MARF1: variants seen among roughly 807,000 people sequenced by gnomAD.
The protein encoded by MARF1 is limkain-b1.
A neutral mutation model predicts 168.2 loss-of-function variants in MARF1; 24 were observed. That is an observed-to-expected ratio of 0.14 (90% CI 0.10 to 0.20). MARF1 has a LOEUF of 0.20. Among genes scored for constraint, MARF1 ranks in the 10% least tolerant of loss-of-function variants. The pLI is 1.00. For missense variants in MARF1, 1,744 were observed against 2,143.6 expected (o/e 0.81, Z 3.68); for synonymous variants, 868 against 822.4 (o/e 1.06, Z -0.95).
intron 26 of MARF1, 121 bp downstream of exon 26, chr16:15,598,733 G>C: frequency 2.1e-6 from 2 of 965,206 alleles, no homozygotes; most frequent in South Asian, 1.5e-5. Flanking sequence ...AATCAGCACA[G>C]TGTTTTCCAC....
intron 1 of MARF1, among the ~76,000 whole-genome samples, chr16:15,641,309 G>C (rs1465539379): frequency 6.6e-6 from 1 of 152,102 alleles, no homozygotes; most frequent in East Asian, 1.9e-4. Context: ...GGTTAATTTG[G>C]AGATGGATTT....
intron 22 of MARF1, among the ~76,000 whole-genome samples, chr16:15,603,596 CT>C (rs1483677448): frequency 6.6e-6 from 1 of 152,124 alleles, no homozygotes; most frequent in Non-Finnish European, 1.5e-5. Context: ...TTTATAGTCT[CT>C]TTTATGGTAA....
chr16:15,605,044 C>T (rs746408258), intron 21 of MARF1, among the ~76,000 whole-genome samples: 7 of 152,174 alleles, frequency 4.6e-5, no homozygotes, highest in African/African-American at 4.8e-5. Context: ...GGAAACCTTA[C>T]AAAAAAGACA....
chr16:15,621,639 G>T, intron 12 of MARF1, 94 bp downstream of exon 12: 1 of 1,165,800 alleles, frequency 8.6e-7, no homozygotes, highest in Non-Finnish European at 1.2e-6. Flanking sequence ...ATCACAAGGG[G>T]GTGGGAATGT....
intron 12 of MARF1, 79 bp downstream of exon 12, chr16:15,621,654 G>A: frequency 7.4e-7 from 1 of 1,357,884 alleles, no homozygotes; most frequent in Non-Finnish European, 1.0e-6. Context: ...GAATGTGATT[G>A]AATCTATTTT....
At chr16:15,616,261 G>C (rs535347754) in intron 15 of MARF1, among the ~76,000 whole-genome samples, 1 of 152,314 alleles carries the variant, frequency 6.6e-6, no homozygotes, top group East Asian at 1.9e-4. Flanking sequence ...TGGGCTCCAA[G>C]TCAGTTACGC....
rs567660498 is a variant in MARF1, at chr16:15,609,066, C to T, written c.3954+457G>A. 9.5e-4 allele frequency among the ~76,000 whole-genome samples: 144 copies of T among 152,256 alleles called. 3 individuals are homozygous for T. In the South Asian group the frequency reaches 0.018, roughly 19 times the overall value. ...CCAGCCTGGCCAACGTGGTGAAACA[C>T]CATCTCTACTAAAAATAGAAAAATT... On this transcript the variant is annotated intron_variant, in intron 20 of 26. Coordinates refer to ENST00000396368, the MANE Select transcript of MARF1 (RefSeq NM_014647.4).
At chr16:15,611,460 AAAAAAC>A in intron 18 of MARF1, 126 bp downstream of exon 18, 10 of 849,406 alleles carry the variant, frequency 1.2e-5, no homozygotes, top group South Asian at 4.2e-5. Flanking sequence ...AAAAAAAAAA[AAAAAAC>A]AAAAAACTAC....
At chr16:15,600,586 TGTCA>T in intron 24 of MARF1, 33 bp from the exon 25 acceptor site, 1 of 1,614,146 alleles carries the variant, frequency 6.2e-7, no homozygotes, top group South Asian at 1.1e-5. Context: ...CAGAGAGAAA[TGTCA>T]GTGAGAGAAC....
chr16:15,637,670 G>GT (rs1487644625), intron 2 of MARF1, among the ~76,000 whole-genome samples: 23 of 152,290 alleles, frequency 1.5e-4, no homozygotes, highest in African/African-American at 4.8e-4. Flanking sequence ...AGTTGACCGT[G>GT]TAATTCTGAA....
chr16:15,606,722 C>G (rs1003911750), intron 21 of MARF1, among the ~76,000 whole-genome samples: 11 of 152,158 alleles, frequency 7.2e-5, no homozygotes, highest in African/African-American at 2.7e-4. Context: ...CCTCAAGGCC[C>G]TCCTGTCTTA....
chr16:15,629,174 G>A (rs1338102197), intron 7 of MARF1, among the ~76,000 whole-genome samples: 2 of 151,934 alleles, frequency 1.3e-5, no homozygotes, highest in Admixed American at 1.3e-4. Flanking sequence ...TTAGAAAAGT[G>A]ACCGTCAAAC....
chr16:15,608,736 GA>G (rs1567541522), intron 20 of MARF1: 1 of 563,596 alleles, frequency 1.8e-6, no homozygotes, highest in East Asian at 2.8e-5. Flanking sequence ...AGATAGTTAC[GA>G]AGGTAAGTTC....
At chr16:15,620,189 C>CA (rs1181727504) in intron 13 of MARF1, among the ~76,000 whole-genome samples, 1 of 151,718 alleles carries the variant, frequency 6.6e-6, no homozygotes, top group East Asian at 1.9e-4. Context: ...AACAAACAAA[C>CA]AAACAAAAAA....
At chr16:15,638,371 A>C (rs1455759342) in intron 2 of MARF1, among the ~76,000 whole-genome samples, 2 of 152,148 alleles carry the variant, frequency 1.3e-5, no homozygotes, top group Non-Finnish European at 2.9e-5. Context: ...GGATCACTTG[A>C]GGTCAGGAGG....
rs763065223 is a variant in MARF1, at chr16:15,635,943, C to T, written c.544G>A (p.Glu182Lys). ...IASDFPSMCL[E>K]SNLSSCKHLP... is the part of the protein sequence containing the mutation. The stretch of plus-strand genomic sequence containing the variant: ...TGTTTGCAGGAAGACAGGTTACTCT[C>T]TAGACACATGCTGGGAAAGTCACTT... The change falls in exon 3 of 27, where the codon GAG becomes AAG. Residue 182 changes from glutamate (E) to lysine (K), a missense_variant. Physicochemically the swap from Glu to Lys is moderately conservative, Grantham distance 56 (BLOSUM62 1). Transcript: ENST00000396368. 18 of 1,614,008 alleles carry T rather than the reference C, an allele frequency of 1.1e-5. No homozygotes were observed. The highest frequency in any genetic ancestry group is 9.9e-5 in the South Asian group (9 of 91,090).
In MARF1 at chr16:15,612,621, C is replaced by T. The variant is rs1196085771; in HGVS notation, c.3410G>A (p.Arg1137Gln). The change falls in exon 17 of 27, where the codon CGA (arginine) becomes CAA (glutamine). Residue 1137 changes from arginine to glutamine, a missense_variant. Physicochemically the swap from Arg to Gln is conservative, Grantham distance 43 (BLOSUM62 1). Around this residue, in one of 7 missense-constraint regions of MARF1, gnomAD observed 543 missense variants for 742.1 expected, o/e 0.73. Transcript: ENST00000396368. ...SYHHHFAKQC[R>Q]VSDYGYSKLI... ...CTTGGAGTATCCGTAGTCTGACACT[C>T]GGCACTGCTTTGCAAAATGATGGTG... The T allele has an allele frequency of 3.7e-6, 6 of 1,614,006 alleles. No individual in the cohort carries two copies. Among genetic ancestry groups the T allele is most frequent in the African/African-American group, 2.7e-5 (2 of 74,892 alleles).
At chr16:15,621,624 C>A in intron 12 of MARF1, 109 bp downstream of exon 12, 1 of 1,008,066 alleles carries the variant, frequency 9.9e-7, no homozygotes, top group Admixed American at 2.6e-5. Context: ...ATTCCACATG[C>A]AATCATCACA....
Position 15,624,917 on chromosome 16 carries a change from G to C in MARF1, c.2122C>G (p.Leu708Val), listed in dbSNP as rs747797091. The C allele has an allele frequency of 1.9e-6, 3 of 1,613,996 alleles. No individual in the cohort carries two copies. The highest frequency in any genetic ancestry group is 1.7e-6 in the Non-Finnish European group (2 of 1,179,986). ...GAACTGGTAACACTTCGGGCACTGA[G>C]GTTCTCCTTTCTAACAGAAGGGGAA... Reference protein sequence around the residue: ...VYKTSQKKENLSARSVTSSPV... With the variant: ...VYKTSQKKENVSARSVTSSPV... Residue 708 changes from leucine to valine, a missense_variant, in exon 10 of 27, where the codon CTC (leucine) becomes GTC (valine). This residue lies in a region of MARF1 where 270 missense variants were observed against 260.6 expected (regional missense o/e 1.04). Transcript: ENST00000396368.
Sources: gnomAD v4.1 joint callset for allele counts (sites outside exome capture counted in the v4.1 genomes callset) on GRCh38, gnomAD v4.1.1 for gene constraint, gnomAD v4.1.1 regional missense constraint, MANE v1.5 for transcripts, NCBI Gene and HGNC (gene_info 2026-07-23, HGNC 2026-07-21) for gene names.